The following COBLL1 variants were observed in gnomAD, a reference collection of about 807,000 sequenced individuals.
COBLL1 encodes cordon-bleu WH2 repeat protein like 1, also known as cordon-bleu protein-like 1.
Under a neutral mutation model 94.8 loss-of-function variants are expected in COBLL1, and 50 were observed. The ratio of observed to expected loss-of-function variants is 0.53; its 90% confidence interval spans 0.42 to 0.67. The LOEUF (loss-of-function observed/expected upper bound fraction) is 0.67, where lower values mean the gene tolerates loss of function less well. COBLL1 is among the 30% of genes least tolerant of loss of function. COBLL1 has a pLI of 0.00. For synonymous variants in COBLL1, 448 were observed against 473.8 expected (o/e 0.95, Z 0.71); for missense variants, 1,362 against 1,348.7 (o/e 1.01, Z -0.15).
At chr2:164,734,227 A>T (rs1441831072) in intron 3 of COBLL1, among the ~76,000 whole-genome samples, 4 of 152,072 alleles carry the variant, frequency 2.6e-5, no homozygotes, top group Admixed American at 2.6e-4. Flanking sequence ...AAAAAAAAAA[A>T]AAATAAGGAA....
chr2:164,736,307 T>A (rs973947740), intron 3 of COBLL1, among the ~76,000 whole-genome samples: 5 of 152,182 alleles, frequency 3.3e-5, no homozygotes, highest in African/African-American at 1.2e-4. Flanking sequence ...GAAGCAGTGC[T>A]CTCTCTGTGT....
chr2:164,743,633 T>G, intron 3 of COBLL1, 54 bp downstream of exon 3: 1 of 1,394,828 alleles, frequency 7.2e-7, no homozygotes, highest in Non-Finnish European at 1.0e-6. Context: ...CACAGAGACT[T>G]TCAATGGTGG....
intron 2 of COBLL1, among the ~76,000 whole-genome samples, chr2:164,769,119 T>C (rs1301309774): frequency 6.6e-6 from 1 of 152,184 alleles, no homozygotes; most frequent in Non-Finnish European, 1.5e-5. Context: ...CTCTTTCAGA[T>C]ACACACATAC....
intron 2 of COBLL1, among the ~76,000 whole-genome samples, chr2:164,797,604 C>T (rs564211883): frequency 6.6e-6 from 1 of 152,148 alleles, no homozygotes; most frequent in Non-Finnish European, 1.5e-5. Context: ...ACCATGTACC[C>T]GGTCCTGCTT....
intron 2 of COBLL1, among the ~76,000 whole-genome samples, chr2:164,797,600 T>A (rs1290424859): frequency 6.6e-6 from 1 of 152,204 alleles, no homozygotes; most frequent in Non-Finnish European, 1.5e-5. Flanking sequence ...TATGACCATG[T>A]ACCCGGTCCT....
chr2:164,801,890 A>C (rs1683827598), intron 2 of COBLL1, among the ~76,000 whole-genome samples: 2 of 152,330 alleles, frequency 1.3e-5, no homozygotes, highest in African/African-American at 4.8e-5. Context: ...CTGAAAGAAG[A>C]CTGGGCTACA....
At chr2:164,789,423 T>G (rs1231288984) in intron 2 of COBLL1, among the ~76,000 whole-genome samples, 1 of 152,024 alleles carries the variant, frequency 6.6e-6, no homozygotes, top group Non-Finnish European at 1.5e-5. Flanking sequence ...GCTGATAGAA[T>G]ATGAAGCAAA....
chr2:164,716,601 A>G (rs555411740), intron 7 of COBLL1, among the ~76,000 whole-genome samples: 2 of 152,338 alleles, frequency 1.3e-5, no homozygotes, highest in South Asian at 4.1e-4. Flanking sequence ...TGTATTCTTT[A>G]GATGGAAAAA....
At chr2:164,699,576 C>A in intron 10 of COBLL1, 77 bp from the exon 11 acceptor site, 2 of 788,040 alleles carry the variant, frequency 2.5e-6, no homozygotes, top group Non-Finnish European at 4.4e-6. Flanking sequence ...GACACACACA[C>A]ACACAATGAG....
rs778604059 is a variant in COBLL1 at position 164,700,758 on chromosome 2, T to A, written c.1226-2A>T. ...GGCTATAATCAGAGCTTATTCCAGC[T>A]ACAAAGAAATGCAGATATAATCCTA... On this transcript the variant is annotated splice_acceptor_variant, in intron 9 of 13. Transcript: ENST00000652658. LOFTEE classifies it high-confidence loss of function. 3.3e-6 allele frequency: 5 copies of A among 1,535,744 alleles called. No homozygotes were observed. In the East Asian group the frequency reaches 6.8e-5, roughly 21 times the overall value.
intron 2 of COBLL1, among the ~76,000 whole-genome samples, chr2:164,813,956 T>C (rs1230836547): frequency 1.3e-5 from 2 of 152,164 alleles, no homozygotes; most frequent in Non-Finnish European, 2.9e-5. Flanking sequence ...ATCAAGTAAC[T>C]TTCTCAAGGT....
chr2:164,810,668 T>C (rs557098932), intron 2 of COBLL1, among the ~76,000 whole-genome samples: 10 of 151,768 alleles, frequency 6.6e-5, no homozygotes, highest in Non-Finnish European at 1.3e-4. Flanking sequence ...ATTTTTACTA[T>C]TGAATTTTAT....
intron 3 of COBLL1, chr2:164,743,129 AC>A (rs1686685158): frequency 6.6e-6 from 1 of 152,102 alleles, no homozygotes; most frequent in Non-Finnish European, 1.5e-5. Flanking sequence ...TACTTAACTC[AC>A]CCACATTTTA....
downstream of COBLL1, among the ~76,000 whole-genome samples, chr2:164,678,323 G>A (rs1682885483): frequency 6.6e-6 from 1 of 152,020 alleles, no homozygotes; most frequent in Non-Finnish European, 1.5e-5. Context: ...CAAAAATGAT[G>A]GAGATAATAT....
At chr2:164,808,146 G>A (rs1684282596) in intron 2 of COBLL1, among the ~76,000 whole-genome samples, 1 of 152,002 alleles carries the variant, frequency 6.6e-6, no homozygotes, top group Non-Finnish European at 1.5e-5. Flanking sequence ...TAATATCTTT[G>A]GGTCCAAGAA....
chr2:164,718,987 A>G (rs1399912664), intron 7 of COBLL1, among the ~76,000 whole-genome samples: 1 of 152,034 alleles, frequency 6.6e-6, no homozygotes, highest in Non-Finnish European at 1.5e-5. Context: ...TGCCCAGAAA[A>G]ATGACAACAA....
At chr2:164,801,458 A>G (rs1400572481) in intron 2 of COBLL1, among the ~76,000 whole-genome samples, 1 of 148,122 alleles carries the variant, frequency 6.8e-6, no homozygotes, top group Admixed American at 6.7e-5. Flanking sequence ...AAAAAAAAAA[A>G]AAAAAAAAAA....
At chr2:164,817,628 C>G (rs1223576574) in intron 2 of COBLL1, among the ~76,000 whole-genome samples, 1 of 152,084 alleles carries the variant, frequency 6.6e-6, no homozygotes, top group East Asian at 1.9e-4. Context: ...TTCACCATCA[C>G]TGTAAGACCC....
At chr2:164,798,858 C>A (rs1574609056) in intron 2 of COBLL1, among the ~76,000 whole-genome samples, 1 of 151,486 alleles carries the variant, frequency 6.6e-6, no homozygotes, top group South Asian at 2.1e-4. Flanking sequence ...TCTCTACTAA[C>A]AATACAAAAA....
Sources: allele counts gnomAD v4.1 joint callset (sites outside exome capture counted in the v4.1 genomes callset), GRCh38; gene constraint gnomAD v4.1.1; transcripts MANE v1.5; gene names NCBI Gene and HGNC (gene_info 2026-07-23, HGNC 2026-07-21).